CFAP74: variants seen among roughly 807,000 people sequenced by gnomAD.
CFAP74 encodes the protein cilia- and flagella-associated protein 74.
CFAP74 carries 124 observed loss-of-function variants against 188.9 expected under a neutral mutation model. The observed-to-expected ratio is 0.66, with a 90% CI of 0.57 to 0.76. The LOEUF (loss-of-function observed/expected upper bound fraction) is 0.76. CFAP74 is among the 30% of genes least tolerant of loss of function. The probability of loss-of-function intolerance (pLI) is 0.00; values close to 1 mark genes in which losing one functional copy is unlikely to be tolerated. For missense variants in CFAP74, 2,198 were observed against 2,165.2 expected, an observed-to-expected ratio of 1.02 and a Z score of -0.30; for synonymous variants, 956 against 916.7, an observed-to-expected ratio of 1.04 and a Z score of -0.77.
chr1:1,956,646 C>A lies in CFAP74; in HGVS notation c.1990G>T (p.Asp664Tyr), dbSNP rs773698979. The part of the protein sequence containing the change: ...FLPASEPCEM[D>Y]DSQSALKLSS... ...AATTTCAGGGCAGACTGGGAGTCGT[C>A]CATCTCACAGGGCTCTGAAGCTGGC... Residue 664 changes from aspartate to tyrosine, a missense_variant, in exon 17 of 39, where the codon GAC (aspartate) becomes TAC (tyrosine). Asp to Tyr is a radical substitution (Grantham distance 160). Transcript: ENST00000682832. The A allele has an allele frequency of 6.2e-7, 1 of 1,614,198 alleles. No individual in the cohort carries two copies. Among genetic ancestry groups the A allele is most frequent in the East Asian group, 2.2e-5 (1 of 44,880 alleles).
intron 18 of CFAP74, among the ~76,000 whole-genome samples, chr1:1,949,127 CCCT>C: frequency 1.0e-5 from 1 of 95,854 alleles, no homozygotes; most frequent in African/African-American, 4.0e-5. Context: ...TTCTTCCCTT[CCCT>C]CCCTCCCTCC....
intron 1 of CFAP74, among the ~76,000 whole-genome samples, chr1:1,998,171 C>T (rs904879268): frequency 2.6e-5 from 4 of 151,874 alleles, no homozygotes; most frequent in Middle Eastern, 3.4e-3. Context: ...CCAGCTACTT[C>T]GGAGGCTGAG....
At chr1:1,971,022 CACACA>C in intron 9 of CFAP74, among the ~76,000 whole-genome samples, 1 of 144,598 alleles carries the variant, frequency 6.9e-6, no homozygotes, top group Non-Finnish European at 1.5e-5. Context: ...ATGCACACAT[CACACA>C]TGCACACCTG....
At chr1:1,929,469 A>T (rs1344122397) in intron 26 of CFAP74, among the ~76,000 whole-genome samples, 16 of 134,114 alleles carry the variant, frequency 1.2e-4, no homozygotes, top group Admixed American at 1.2e-3. Flanking sequence ...ATCTGCAGTA[A>T]TGTGTGTGGG....
At chr1:1,934,790 T>G (rs1242902738) in intron 25 of CFAP74, among the ~76,000 whole-genome samples, 2 of 145,972 alleles carry the variant, frequency 1.4e-5, no homozygotes, top group African/African-American at 5.2e-5. Context: ...GGTGTTAGGT[T>G]GTAGGTACAC....
chr1:1,962,516 GA>G (rs1655166460), intron 14 of CFAP74, among the ~76,000 whole-genome samples: 1 of 148,868 alleles, frequency 6.7e-6, no homozygotes, highest in African/African-American at 2.5e-5. Context: ...AGGAGCAGAA[GA>G]AAAGAGAAAC....
chr1:1,991,766 G>T (rs180788649), intron 1 of CFAP74, among the ~76,000 whole-genome samples: 10 of 152,100 alleles, frequency 6.6e-5, no homozygotes, highest in African/African-American at 1.9e-4. Flanking sequence ...TTGGCTGGGC[G>T]TGGTGGCTCA....
rs1653217282 is a variant in CFAP74 at position 1,939,576 on chromosome 1, C to A, written c.2877+18G>T. On this transcript the variant is annotated intron_variant, in intron 24 of 38. Transcript: ENST00000682832. ...CCAGCCTCACCCCTCTTACCCCAGG[C>A]CTGGCTGCAGGAGGTACCTTGGGAA... 3 of 1,532,236 alleles carry A rather than the reference C, an allele frequency of 2.0e-6. No individual in the cohort carries two copies. The highest frequency in any genetic ancestry group is 2.6e-6 in the Non-Finnish European group (3 of 1,143,806). 94.9% of individuals were successfully genotyped at this position (1,532,236 alleles called of 1,614,324 possible). A position where few individuals can be genotyped will look rare whatever the true frequency, so the allele number is the denominator to read the frequency against.
Position 1,999,232 on chromosome 1 carries a change from T to A in CFAP74, c.-20+4469A>T, listed in dbSNP as rs1179562424. Reference sequence around the variant, plus strand: ...AAGACAAACAGACCAATGGAACAGATCAGAGAGGCCAGAAACAGGCCCCCA... The same window carrying A: ...AAGACAAACAGACCAATGGAACAGAACAGAGAGGCCAGAAACAGGCCCCCA... On this transcript the variant is annotated intron_variant, in intron 1 of 38. Coordinates refer to ENST00000682832, the MANE Select transcript of CFAP74 (RefSeq NM_001304360.2). Among the ~76,000 whole-genome samples, 21 of 152,168 alleles carry A rather than the reference T, an allele frequency of 1.4e-4. No individual in the cohort carries two copies. The East Asian group carries it at 3.5e-3, about 25-fold the overall frequency.
Position 1,963,738 on chromosome 1 carries a change from C to T in CFAP74, c.1694+11G>A, listed in dbSNP as rs7523728. 0.24 allele frequency: 373,725 copies of T among 1,578,160 alleles called. 45,660 individuals carry two copies. Among genetic ancestry groups the T allele is most frequent in the Non-Finnish European group, 0.25 (289,938 of 1,148,560 alleles). On this transcript the variant is annotated intron_variant, in intron 14 of 38. Coordinates refer to ENST00000682832, the MANE Select transcript of CFAP74 (RefSeq NM_001304360.2). ...GCACCGCGTCCCTCCCTGTCTGAGC[C>T]GTCCTCTTACTCAACGTGGATGAAG...
intron 6 of CFAP74, 78 bp from the exon 7 acceptor site, chr1:1,974,276 C>T (rs556243617): frequency 9.2e-5 from 131 of 1,424,422 alleles, no homozygotes; most frequent in South Asian, 2.7e-4. Flanking sequence ...TGAGTTCTGA[C>T]AAATCCTCCA....
Position 1,927,134 on chromosome 1 carries a change from A to G in CFAP74, c.3528-106T>C, listed in dbSNP as rs1328698308. ...CAGGGTCCCAGGGTCCCAGGGTCCC[A>G]AGCTGTGGCTGTCCCAGTTGTGTCT... is the stretch of plus-strand genomic sequence containing the variant. On this transcript the variant is annotated intron_variant, in intron 28 of 38. Coordinates refer to ENST00000682832, the MANE Select transcript of CFAP74 (RefSeq NM_001304360.2). 4 of 1,338,578 alleles carry G rather than the reference A, an allele frequency of 3.0e-6. No homozygotes were observed. In the African/African-American group the frequency reaches 5.9e-5, roughly 20 times the overall value. 82.9% of individuals were successfully genotyped at this position (1,338,578 alleles called of 1,614,324 possible). A position where few individuals can be genotyped will look rare whatever the true frequency, so the allele number is the denominator to read the frequency against.
At position 1,988,364 on chromosome 1, in the gene CFAP74, C is replaced by T. The variant is rs1381671796; in HGVS notation, c.296+148G>A. On this transcript the variant is annotated intron_variant, in intron 4 of 38. Transcript: ENST00000682832. ...GGCACTAGCTCCCGGGTGGGGCTTG[C>T]AGAACTGCTCCTCCATGGAGACCCT... is the stretch of plus-strand genomic sequence containing the variant. 4 of 963,566 alleles carry T rather than the reference C, an allele frequency of 4.2e-6. No individual in the cohort carries two copies. The Admixed American group carries it at 6.8e-5, about 16-fold the overall frequency. 59.7% of individuals were successfully genotyped at this position (963,566 alleles called of 1,614,324 possible).
chr1:1,946,468 G>C, intron 19 of CFAP74, 29 bp from the exon 20 acceptor site: 1 of 1,511,298 alleles, frequency 6.6e-7, no homozygotes, highest in Non-Finnish European at 8.8e-7. Context: ...CATGGGGTCT[G>C]CCAGGCTTCA....
intron 34 of CFAP74, among the ~76,000 whole-genome samples, chr1:1,924,131 CAGCTCACTG>C (rs1651629358): frequency 9.7e-6 from 1 of 102,582 alleles, no homozygotes; most frequent in African/African-American, 3.8e-5. Flanking sequence ...CCGCCCCCTC[CAGCTCACTG>C]CCCACCCCCC....
intron 21 of CFAP74, 102 bp downstream of exon 21, chr1:1,944,229 G>C (rs1408598897): frequency 1.4e-6 from 2 of 1,466,996 alleles, no homozygotes; most frequent in Non-Finnish European, 1.8e-6. Flanking sequence ...GGGTCACCCC[G>C]TGTGCGTGGA....
intron 2 of CFAP74, among the ~76,000 whole-genome samples, chr1:1,990,078 T>C (rs1202430839): frequency 6.6e-6 from 1 of 152,154 alleles, no homozygotes; most frequent in East Asian, 1.9e-4. Context: ...TTACTGCCAA[T>C]AGGTTCGTTA....
rs558085274 is a variant in CFAP74, at chr1:1,927,466, G to C, written c.3527+141C>G. 8 of 811,248 alleles carry C rather than the reference G, an allele frequency of 9.9e-6. No homozygotes were observed. In the South Asian group the frequency reaches 1.3e-4, roughly 13 times the overall value. The allele number at this position is 811,248 out of a possible 1,614,324, so 50.3% of individuals were successfully genotyped here. ...CCCAGGAAGGCAGCACCTGGATCCAGCTGTGTCTGAAGGCATCAGTCCTTC... is the reference window on the plus strand; with the variant it reads ...CCCAGGAAGGCAGCACCTGGATCCACCTGTGTCTGAAGGCATCAGTCCTTC... On this transcript the variant is annotated intron_variant, in intron 28 of 38. Transcript: ENST00000682832.
intron 15 of CFAP74, among the ~76,000 whole-genome samples, chr1:1,959,454 C>T (rs374128931): frequency 1.6e-4 from 24 of 151,328 alleles, no homozygotes; most frequent in Non-Finnish European, 2.7e-4. Flanking sequence ...TTTGTAGAGA[C>T]GGGGTCTCGC....
Sources: gnomAD v4.1 joint callset for allele counts (sites outside exome capture counted in the v4.1 genomes callset) on GRCh38, gnomAD v4.1.1 for gene constraint, MANE v1.5 for transcripts, NCBI Gene and HGNC (gene_info 2026-07-23, HGNC 2026-07-21) for gene names.